Variants in SHOC2 observed in about 807,000 individuals in gnomAD.
The protein encoded by SHOC2 is leucine-rich repeat protein SHOC-2.
SHOC2 carries 4 observed loss-of-function variants against 50.2 expected under a neutral mutation model. The ratio of observed to expected loss-of-function variants is 0.08; its 90% CI spans 0.04 to 0.18. The LOEUF is 0.18. SHOC2 is among the 10% of genes least tolerant of loss of function. The pLI is 1.00. For synonymous variants in SHOC2, 218 were observed against 244.5 expected (o/e 0.89, Z 1.01); for missense variants, 388 against 669.6 (o/e 0.58, Z 4.64).
chr10:110,931,567 A>G (rs1846896504), intron 1 of SHOC2, among the ~76,000 whole-genome samples: 1 of 152,108 alleles, frequency 6.6e-6, no homozygotes, highest in African/African-American at 2.4e-5. Context: ...AAATCTTGTC[A>G]TTTTTAGGTA....
intron 5 of SHOC2, among the ~76,000 whole-genome samples, chr10:111,006,764 G>A (rs1848476380): frequency 6.6e-6 from 1 of 152,174 alleles, no homozygotes; most frequent in Admixed American, 6.5e-5. Context: ...TACATTGTTG[G>A]TATTGAGCTG....
At chr10:110,952,897 C>CT (rs977621062) in intron 1 of SHOC2, among the ~76,000 whole-genome samples, 2 of 152,126 alleles carry the variant, frequency 1.3e-5, no homozygotes, top group African/African-American at 4.8e-5. Context: ...TGAGCTCATT[C>CT]TTTTTTTGTG....
intron 1 of SHOC2, among the ~76,000 whole-genome samples, chr10:110,941,881 G>T (rs998613786): frequency 1.1e-4 from 16 of 151,942 alleles, no homozygotes; most frequent in African/African-American, 3.6e-4. Flanking sequence ...AATTTTATAG[G>T]TTTACATTTT....
intron 1 of SHOC2, chr10:110,920,211 A>C (rs1412025276): frequency 6.6e-6 from 1 of 151,974 alleles, no homozygotes; most frequent in Non-Finnish European, 1.5e-5. Context: ...CTCCCTAAAA[A>C]CCCTTGAGTG....
chr10:110,984,219 T>G (rs6421360), intron 2 of SHOC2, among the ~76,000 whole-genome samples: 2 of 152,002 alleles, frequency 1.3e-5, no homozygotes, highest in Non-Finnish European at 2.9e-5. Flanking sequence ...AGTGGTATCT[T>G]GTTGTGATTT....
intron 1 of SHOC2, among the ~76,000 whole-genome samples, chr10:110,956,823 T>C (rs889975016): frequency 9.9e-5 from 15 of 152,112 alleles, no homozygotes; most frequent in Middle Eastern, 3.4e-3. Context: ...TTTTTTTTTT[T>C]AAATAACAAA....
chr10:110,964,257 A>G lies in SHOC2; in HGVS notation c.-102A>G. The G allele has an allele frequency of 6.6e-7, 1 of 1,525,204 alleles. No homozygotes were observed. The highest frequency in any genetic ancestry group is 8.8e-7 in the Non-Finnish European group (1 of 1,138,974). 94.5% of individuals were successfully genotyped at this position (1,525,204 alleles called of 1,614,324 possible). A position where few individuals can be genotyped will look rare whatever the true frequency, so the allele number is the denominator to read the frequency against. On this transcript the variant is annotated 5_prime_UTR_variant, in exon 2 of 9. Transcript: ENST00000369452. This position sits in a 1 kb window ranked among gnomAD's most constrained non-coding sequence, Gnocchi z 4.9. ...TCCATGCTGATTACTTCTTCAAGCC[A>G]GTACTTTTTTGATTGTGTAGGATCT... is the stretch of plus-strand genomic sequence containing the variant.
At chr10:110,931,012 CTT>C (rs1387239539) in intron 1 of SHOC2, among the ~76,000 whole-genome samples, 4 of 152,126 alleles carry the variant, frequency 2.6e-5, no homozygotes, top group African/African-American at 7.2e-5. Context: ...GCTCTAAACT[CTT>C]GTTTTCCTAG....
intron 1 of SHOC2, among the ~76,000 whole-genome samples, chr10:110,932,993 T>C (rs1335159372): frequency 6.6e-6 from 1 of 152,252 alleles, no homozygotes; most frequent in Non-Finnish European, 1.5e-5. Context: ...TCCATGTACT[T>C]CTGAATGCCA....
At position 111,009,773 on chromosome 10, in the gene SHOC2, A is replaced by G. The variant is rs751552831; in HGVS notation, c.1483A>G (p.Asn495Asp). The change falls in exon 8 of 9, where the codon AAT becomes GAT. Residue 495 changes from asparagine to aspartate, a missense_variant. This residue lies in a region of SHOC2 where 130 missense variants were observed against 208.6 expected (regional missense o/e 0.62). Transcript: ENST00000369452. ...TCCCAGAGGCATTGGTCACCTTACT[A>G]ATCTCACACATCTGGGCCTTGGAGA... Reference protein sequence around the residue: ...TLPRGIGHLTNLTHLGLGENL... With the variant: ...TLPRGIGHLTDLTHLGLGENL... The G allele has an allele frequency of 6.2e-7, 1 of 1,613,518 alleles. No individual in the cohort carries two copies. The highest frequency in any genetic ancestry group is 8.5e-7 in the Non-Finnish European group (1 of 1,179,548).
At chr10:111,007,752 T>G in intron 6 of SHOC2, 99 bp downstream of exon 6, 1 of 1,205,534 alleles carries the variant, frequency 8.3e-7, no homozygotes. Context: ...TGGGTGAATG[T>G]CATAATTAGA....
intron 1 of SHOC2, among the ~76,000 whole-genome samples, chr10:110,929,344 T>TA (rs1846841549): frequency 1.3e-5 from 2 of 152,246 alleles, no homozygotes; most frequent in African/African-American, 4.8e-5. Flanking sequence ...ATTTAAATAA[T>TA]ATATCACTTG....
intron 1 of SHOC2, among the ~76,000 whole-genome samples, chr10:110,926,884 CAA>C (rs1258228925): frequency 6.6e-5 from 10 of 152,060 alleles, no homozygotes; most frequent in Non-Finnish European, 1.3e-4. Flanking sequence ...TAAGTTGAAA[CAA>C]ATAATTATCT....
At chr10:110,989,626 C>A (rs1286375091) in intron 3 of SHOC2, among the ~76,000 whole-genome samples, 6 of 152,136 alleles carry the variant, frequency 3.9e-5, no homozygotes, top group Non-Finnish European at 7.4e-5. Flanking sequence ...AGTCCATTTT[C>A]TTTTTTCCCC....
At chr10:110,957,279 G>GAC (rs1299189484) in intron 1 of SHOC2, among the ~76,000 whole-genome samples, 1 of 152,140 alleles carries the variant, frequency 6.6e-6, no homozygotes, top group Admixed American at 6.5e-5. Context: ...GCAACTCAGT[G>GAC]ACTCCAATAT....
At chr10:110,928,951 G>A (rs922622037) in intron 1 of SHOC2, among the ~76,000 whole-genome samples, 3 of 152,122 alleles carry the variant, frequency 2.0e-5, no homozygotes, top group African/African-American at 4.8e-5. Flanking sequence ...ATACCTTAAT[G>A]CATATGAAAA....
At position 111,012,530 on chromosome 10, in the gene SHOC2, G is replaced by C. The variant is rs148246156; in HGVS notation, c.*712G>C. 376 of 152,236 alleles carry C rather than the reference G, an allele frequency of 2.5e-3. 1 individual carries two copies. Among genetic ancestry groups the C allele is most frequent in the African/African-American group, 8.4e-3 (350 of 41,538 alleles). The allele number at this position is 152,236 out of a possible 1,614,324, so 9.4% of individuals were successfully genotyped here. A position where few individuals can be genotyped will look rare whatever the true frequency, so the allele number is the denominator to read the frequency against. On this transcript the variant is annotated 3_prime_UTR_variant, in exon 9 of 9. Coordinates refer to ENST00000369452, the MANE Select transcript of SHOC2 (RefSeq NM_007373.4). The stretch of plus-strand genomic sequence containing the variant: ...AGTTGTGAAGCAAAATACCTGAAGT[G>C]AGTCTTTGGGTAGGGGAAGGGTATT...
upstream of SHOC2, chr10:110,919,376 A>T: frequency 5.2e-6 from 2 of 386,568 alleles, no homozygotes; most frequent in Non-Finnish European, 9.1e-6. Context: ...TGAGGAAAGG[A>T]CAAGGGCGGA....
chr10:110,954,045 A>T (rs1272697241), intron 1 of SHOC2, among the ~76,000 whole-genome samples: 1 of 151,340 alleles, frequency 6.6e-6, no homozygotes, highest in Non-Finnish European at 1.5e-5. Context: ...ATTCTAAATA[A>T]TTTGTATTCA....
Sources: allele counts gnomAD v4.1 joint callset (sites outside exome capture counted in the v4.1 genomes callset), GRCh38; gene constraint gnomAD v4.1.1; regional missense constraint gnomAD v4.1.1; non-coding constraint Gnocchi (gnomAD v3.1); transcripts MANE v1.5; gene names NCBI Gene and HGNC (gene_info 2026-07-23, HGNC 2026-07-21).